The following STK10 variants were observed in gnomAD, a reference collection of about 807,000 sequenced individuals.
The protein encoded by STK10 is serine/threonine-protein kinase 10.
A neutral mutation model predicts 113.8 loss-of-function variants in STK10; 78 were observed. That is an observed-to-expected ratio of 0.69 (90% CI 0.57 to 0.83). The LOEUF (loss-of-function observed/expected upper bound fraction) is 0.83. Ranked by LOEUF, STK10 falls within the 40% of genes least tolerant of loss-of-function variation. STK10 has a pLI of 0.00. For synonymous variants in STK10, 465 were observed against 494.7 expected (o/e 0.94, Z 0.80); for missense variants, 1,109 against 1,280.1 (o/e 0.87, Z 2.04).
rs781190362 is a variant in STK10, at chr5:172,188,051, G to A, written c.-9C>T. 3.1e-6 allele frequency: 5 copies of A among 1,610,114 alleles called. No individual in the cohort carries two copies. Among genetic ancestry groups the A allele is most frequent in the African/African-American group, 2.7e-5 (2 of 74,828 alleles). ...AAATTGGCAAAAGCCATGGCCGGGG[G>A]CGCGGTGGCGCCGGCTCGGGCTCGG... On this transcript the variant is annotated 5_prime_UTR_variant, in exon 1 of 19. Coordinates refer to ENST00000176763, the MANE Select transcript of STK10 (RefSeq NM_005990.4). This position sits in a 1 kb window ranked among gnomAD's most constrained non-coding sequence, Gnocchi z 5.6.
At chr5:172,157,991 CCACCAGTTACAGCGGAA>C (rs1386314566) in intron 1 of STK10, among the ~76,000 whole-genome samples, 2 of 152,098 alleles carry the variant, frequency 1.3e-5, no homozygotes, top group Admixed American at 6.6e-5. Flanking sequence ...GCGTAAGTGC[CCACCAGTTACAGCGGAA>C]CTGTTTCGTA....
chr5:172,131,377 C>T (rs898375829), intron 2 of STK10, among the ~76,000 whole-genome samples: 5 of 152,276 alleles, frequency 3.3e-5, no homozygotes, highest in Non-Finnish European at 2.9e-5. Flanking sequence ...AGTGACCAAA[C>T]CCAGGCAGTT....
chr5:172,170,142 T>A (rs1443552890), intron 1 of STK10, among the ~76,000 whole-genome samples: 2 of 151,030 alleles, frequency 1.3e-5, no homozygotes, highest in Non-Finnish European at 2.9e-5. Flanking sequence ...TTTTTTTCAG[T>A]ATGTATTCTT....
intron 18 of STK10, among the ~76,000 whole-genome samples, chr5:172,048,654 T>C (rs1435399444): frequency 6.6e-6 from 1 of 152,098 alleles, no homozygotes; most frequent in Non-Finnish European, 1.5e-5. Flanking sequence ...GCTGCCATCA[T>C]TAGTCACCAA....
Position 172,105,666 on chromosome 5 carries a change from T to G in STK10, c.860A>C (p.Gln287Pro). The change falls in exon 7 of 19, where the codon CAG becomes CCG. Residue 287 changes from glutamine (Q) to proline (P), a missense_variant. This residue lies in a region of STK10 where 885 missense variants were observed against 991.1 expected (regional missense o/e 0.89). Coordinates refer to ENST00000176763, the MANE Select transcript of STK10 (RefSeq NM_005990.4). Reference sequence around the variant, plus strand: ...GGGGAATCCACTCACCTCCAGCAGCTGCGCGGCACTGGGTCGGGTTTCTGG... The same window carrying G: ...GGGGAATCCACTCACCTCCAGCAGCGGCGCGGCACTGGGTCGGGTTTCTGG... ...KNPETRPSAA[Q>P]LLEHPFVSSI... The G allele has an allele frequency of 6.2e-7, 1 of 1,613,818 alleles. No individual in the cohort carries two copies. Among genetic ancestry groups the G allele is most frequent in the Admixed American group, 1.7e-5 (1 of 60,024 alleles).
chr5:172,105,472 T>C (rs1769078835), intron 7 of STK10, 184 bp downstream of exon 7: 2 of 634,622 alleles, frequency 3.2e-6, no homozygotes, highest in Non-Finnish European at 5.5e-6. Flanking sequence ...GGTGGCTTCG[T>C]TCCCCAAGGC....
At chr5:172,152,146 A>G (rs374323624) in intron 2 of STK10, among the ~76,000 whole-genome samples, 7 of 152,298 alleles carry the variant, frequency 4.6e-5, no homozygotes, top group South Asian at 4.2e-4. Context: ...CACTTGCCCA[A>G]GTCCTCTCAT....
chr5:172,181,839 A>T (rs989082934), intron 1 of STK10, among the ~76,000 whole-genome samples: 1 of 151,812 alleles, frequency 6.6e-6, no homozygotes, highest in Non-Finnish European at 1.5e-5. Context: ...AACACTACAG[A>T]TACATATGAT....
At chr5:172,070,255 A>AAAAATATC (rs1202846036) in intron 12 of STK10, among the ~76,000 whole-genome samples, 1 of 147,082 alleles carries the variant, frequency 6.8e-6, no homozygotes, top group East Asian at 2.0e-4. Context: ...CCTCAAAAAA[A>AAAAATATC]TATATATCTA....
intron 12 of STK10, among the ~76,000 whole-genome samples, chr5:172,070,548 T>C (rs1185767939): frequency 6.6e-6 from 1 of 152,006 alleles, no homozygotes; most frequent in African/African-American, 2.4e-5. Context: ...TAAAGAATAG[T>C]CTCAAATCAA....
Position 172,082,463 on chromosome 5 carries a change from G to A in STK10, c.1852C>T (p.Arg618Cys), listed in dbSNP as rs757807481. 8 of 1,607,814 alleles carry A rather than the reference G, an allele frequency of 5.0e-6. No homozygotes were observed. The highest frequency in any genetic ancestry group is 1.3e-5 in the African/African-American group (1 of 74,582). The stretch of plus-strand genomic sequence containing the variant: ...TTCTCCACTTGCTGCTTTTGCTGAC[G>A]CTCCAGGTTCTCTAATTCCGTGTCA... ...FFDTELENLE[R>C]QQKQQVEKME... The change falls in exon 12 of 19, where the codon CGT becomes TGT. Residue 618 changes from arginine to cysteine, a missense_variant. Physicochemically the swap from Arg to Cys is radical, Grantham distance 180 (BLOSUM62 -3). Transcript: ENST00000176763. The surrounding 1 kb of genome is among the most constrained non-coding windows in gnomAD (Gnocchi z 4.3).
chr5:172,143,842 T>C (rs1271024363), intron 2 of STK10, among the ~76,000 whole-genome samples: 1 of 152,248 alleles, frequency 6.6e-6, no homozygotes, highest in Non-Finnish European at 1.5e-5. Flanking sequence ...TAAGTGTTTG[T>C]TGAATAAATG....
In STK10 at chr5:172,044,484, C is replaced by G. The variant is rs947350021; in HGVS notation, c.*398G>C. Reference sequence around the variant, plus strand: ...ACCAAGAATTCCAGCCCGGATGAGCCCACGGGGACTTCATCAGCAGTGCTT... The same window carrying G: ...ACCAAGAATTCCAGCCCGGATGAGCGCACGGGGACTTCATCAGCAGTGCTT... On this transcript the variant is annotated 3_prime_UTR_variant, in exon 19 of 19. Coordinates refer to ENST00000176763, the MANE Select transcript of STK10 (RefSeq NM_005990.4). The surrounding 1 kb of genome is among the most constrained non-coding windows in gnomAD (Gnocchi z 4.5). The G allele has an allele frequency of 2.4e-5, 5 of 206,474 alleles. No individual in the cohort carries two copies. Among genetic ancestry groups the G allele is most frequent in the Non-Finnish European group, 5.0e-5 (5 of 100,338 alleles). 12.8% of individuals were successfully genotyped at this position (206,474 alleles called of 1,614,324 possible).
intron 1 of STK10, among the ~76,000 whole-genome samples, chr5:172,164,871 A>T (rs1770538415): frequency 6.6e-6 from 1 of 152,208 alleles, no homozygotes; most frequent in South Asian, 2.1e-4. Flanking sequence ...CCGGCGCACG[A>T]TGAGGGGAGC....
intron 13 of STK10, among the ~76,000 whole-genome samples, chr5:172,064,093 C>T (rs543421154): frequency 5.3e-5 from 8 of 152,138 alleles, no homozygotes; most frequent in East Asian, 3.9e-4. Context: ...ATTGATCACA[C>T]GCAGGCAGGA....
At chr5:172,114,544 G>A (rs1233365932) in intron 4 of STK10, 3 of 126,192 alleles carry the variant, frequency 2.4e-5, no homozygotes, top group African/African-American at 6.2e-5. Context: ...GTGCAGTGGC[G>A]CAATCTCGGC....
rs1770203054 is a variant in STK10, at chr5:172,150,624, G to A, written c.321+6000C>T. ...TCACATTCTCTTTACAGTTTTGGCT[G>A]TTTTGAGGTCAGATATGCAATCTCT... On this transcript the variant is annotated intron_variant, in intron 2 of 18. Coordinates refer to ENST00000176763, the MANE Select transcript of STK10 (RefSeq NM_005990.4). Among the ~76,000 whole-genome samples, 3 of 152,254 alleles carry A rather than the reference G, an allele frequency of 2.0e-5. No individual in the cohort carries two copies. The South Asian group carries it at 6.2e-4, about 32-fold the overall frequency.
At position 172,052,972 on chromosome 5, in the gene STK10, T is replaced by C. The variant is rs1767663283; in HGVS notation, c.2723A>G (p.Gln908Arg). Residue 908 changes from glutamine (Q) to arginine (R), a missense_variant, in exon 18 of 19, where the codon CAG becomes CGG. Coordinates refer to ENST00000176763, the MANE Select transcript of STK10 (RefSeq NM_005990.4). ...KLKALDESHN[Q>R]NLKEWRDKLR... is the part of the protein sequence containing the mutation. Reference sequence around the variant, plus strand: ...CTTGTCCCGCCATTCCTTCAGGTTCTGGTTATGGCTCTCATCCAGGGCCTT... The same window carrying C: ...CTTGTCCCGCCATTCCTTCAGGTTCCGGTTATGGCTCTCATCCAGGGCCTT... 6.2e-7 allele frequency: 1 copy of C among 1,614,258 alleles called. No homozygotes were observed. Among genetic ancestry groups the C allele is most frequent in the Non-Finnish European group, 8.5e-7 (1 of 1,180,050 alleles).
At chr5:172,151,430 T>A (rs971357029) in intron 2 of STK10, among the ~76,000 whole-genome samples, 1 of 151,908 alleles carries the variant, frequency 6.6e-6, no homozygotes, top group Non-Finnish European at 1.5e-5. Flanking sequence ...CATTGCAACC[T>A]CCACCTCCCG....
Sources: allele counts gnomAD v4.1 joint callset (sites outside exome capture counted in the v4.1 genomes callset), GRCh38; gene constraint gnomAD v4.1.1; regional missense constraint gnomAD v4.1.1; non-coding constraint Gnocchi (gnomAD v3.1); transcripts MANE v1.5; gene names NCBI Gene and HGNC (gene_info 2026-07-23, HGNC 2026-07-21).